DTL: variants seen among roughly 807,000 people sequenced by gnomAD.
DTL encodes the protein denticleless E3 ubiquitin protein ligase adapter.
In DTL, 46 loss-of-function variants were observed where a neutral mutation model predicts 87.0. The observed-to-expected ratio is 0.53, with a 90% CI of 0.42 to 0.68. DTL has a LOEUF of 0.68. Among genes scored for constraint, DTL ranks in the 30% least tolerant of loss-of-function variants. The pLI is 0.00. For missense variants in DTL, 737 were observed against 869.4 expected (o/e 0.85, Z 1.91); for synonymous variants, 308 against 311.2 (o/e 0.99, Z 0.11).
intron 11 of DTL, among the ~76,000 whole-genome samples, chr1:212,072,664 T>G (rs928806726): frequency 1.2e-4 from 18 of 152,160 alleles, no homozygotes; most frequent in African/African-American, 4.3e-4. Flanking sequence ...AATTTATTCT[T>G]TATTCTCTCC....
chr1:212,065,766 C>T (rs567073063), intron 7 of DTL, among the ~76,000 whole-genome samples: 24 of 152,250 alleles, frequency 1.6e-4, no homozygotes, highest in African/African-American at 5.5e-4. Context: ...AGTGCAGTGG[C>T]GCAATCTTGG....
At chr1:212,099,023 C>A (rs1655532347) in intron 13 of DTL, among the ~76,000 whole-genome samples, 1 of 152,150 alleles carries the variant, frequency 6.6e-6, no homozygotes, top group Admixed American at 6.5e-5. Context: ...CATTGGCTGC[C>A]CTCTCCAAAG....
At chr1:212,065,421 C>G (rs1360743698) in intron 7 of DTL, among the ~76,000 whole-genome samples, 1 of 151,632 alleles carries the variant, frequency 6.6e-6, no homozygotes, top group Non-Finnish European at 1.5e-5. Flanking sequence ...TTGGGGGGTA[C>G]ACTATGTATA....
At chr1:212,082,351 TA>T (rs1318676054) in intron 13 of DTL, among the ~76,000 whole-genome samples, 1 of 152,148 alleles carries the variant, frequency 6.6e-6, no homozygotes, top group East Asian at 1.9e-4. Flanking sequence ...GGAGTTTTGT[TA>T]TAAAGGAAAG....
chr1:212,071,739 G>GA (rs1359443839), intron 10 of DTL, among the ~76,000 whole-genome samples: 2 of 152,120 alleles, frequency 1.3e-5, no homozygotes, highest in South Asian at 2.1e-4. Flanking sequence ...TTATGCAGTG[G>GA]AAAAAATCCT....
rs1313544833 is a variant in DTL, at chr1:212,044,693, A to G, written c.212A>G (p.Asn71Ser). 8 of 1,613,100 alleles carry G rather than the reference A, an allele frequency of 5.0e-6. No homozygotes were observed. The highest frequency in any genetic ancestry group is 2.7e-5 in the African/African-American group (2 of 74,890). ...PNMEHVLAVA[N>S]EEGFVRLYNT... ...ATGGAACATGTACTAGCAGTTGCCAATGAAGAAGGCTTTGTTCGATTGTAT... is the reference window on the plus strand; with the variant it reads ...ATGGAACATGTACTAGCAGTTGCCAGTGAAGAAGGCTTTGTTCGATTGTAT... Residue 71 changes from asparagine to serine, a missense_variant, in exon 3 of 15, where the codon AAT (asparagine) becomes AGT (serine). Physicochemically the swap from Asn to Ser is conservative, Grantham distance 46. Coordinates refer to ENST00000366991, the MANE Select transcript of DTL (RefSeq NM_016448.4).
intron 11 of DTL, among the ~76,000 whole-genome samples, chr1:212,074,704 C>A (rs2102560471): frequency 6.6e-6 from 1 of 152,152 alleles, no homozygotes; most frequent in Middle Eastern, 3.4e-3. Context: ...AGCTGAGTAT[C>A]CAGGCTGTTA....
chr1:212,048,608 A>G (rs962287888), intron 5 of DTL, among the ~76,000 whole-genome samples: 3 of 152,232 alleles, frequency 2.0e-5, no homozygotes, highest in Non-Finnish European at 4.4e-5. Context: ...ACAGTACTGT[A>G]GCAGCTAGGG....
intron 8 of DTL, among the ~76,000 whole-genome samples, chr1:212,067,857 A>G (rs1389866110): frequency 6.6e-6 from 1 of 152,242 alleles, no homozygotes; most frequent in Non-Finnish European, 1.5e-5. Context: ...CAGGGACAGA[A>G]CTTGCTACTT....
At chr1:212,067,417 G>A (rs1654538060) in intron 8 of DTL, among the ~76,000 whole-genome samples, 1 of 152,184 alleles carries the variant, frequency 6.6e-6, no homozygotes, top group African/African-American at 2.4e-5. Flanking sequence ...AGTCTGCTCT[G>A]TGATGCTTGT....
chr1:212,063,757 G>T (rs908290988), intron 6 of DTL, among the ~76,000 whole-genome samples: 1 of 152,062 alleles, frequency 6.6e-6, no homozygotes, highest in South Asian at 2.1e-4. Context: ...ATTTTCAGGG[G>T]TATATGTGAT....
intron 10 of DTL, among the ~76,000 whole-genome samples, chr1:212,070,656 C>A (rs903343324): frequency 7.1e-6 from 1 of 141,076 alleles, no homozygotes; most frequent in African/African-American, 2.5e-5. Flanking sequence ...GTGTGTGTAA[C>A]GTCTTGTAAT....
chr1:212,069,916 T>C (rs1328821421), intron 10 of DTL, among the ~76,000 whole-genome samples: 2 of 152,164 alleles, frequency 1.3e-5, no homozygotes, highest in Non-Finnish European at 1.5e-5. Flanking sequence ...ATTAGGACTT[T>C]AGTATCGGTG....
At chr1:212,037,029 C>T (rs534929430) in intron 1 of DTL, among the ~76,000 whole-genome samples, 3 of 152,298 alleles carry the variant, frequency 2.0e-5, no homozygotes, top group Non-Finnish European at 4.4e-5. Flanking sequence ...TACTTAAATG[C>T]TCCTCTTTCT....
intron 5 of DTL, among the ~76,000 whole-genome samples, chr1:212,058,924 A>G (rs1412572309): frequency 6.6e-6 from 1 of 152,186 alleles, no homozygotes; most frequent in Non-Finnish European, 1.5e-5. Flanking sequence ...CACTAACTAG[A>G]AAACCTAGAG....
intron 5 of DTL, among the ~76,000 whole-genome samples, chr1:212,058,715 TA>T: frequency 6.6e-6 from 1 of 150,916 alleles, no homozygotes; most frequent in East Asian, 1.9e-4. Flanking sequence ...AATAGAGACT[TA>T]AAAAAACAAG....
At chr1:212,101,107 A>T (rs1418693677) in intron 14 of DTL, 23 bp downstream of exon 14, 1 of 1,526,240 alleles carries the variant, frequency 6.6e-7, no homozygotes, top group African/African-American at 1.4e-5. Flanking sequence ...TGGTGGGAAG[A>T]TACATTTCCT....
chr1:212,056,909 A>G (rs1234294477), intron 5 of DTL, among the ~76,000 whole-genome samples: 1 of 152,136 alleles, frequency 6.6e-6, no homozygotes, highest in African/African-American at 2.4e-5. Flanking sequence ...GAACTTGAAG[A>G]TGTTTTGAAG....
In DTL at chr1:212,044,653, G is replaced by C; in HGVS notation, c.179-7G>C. The C allele has an allele frequency of 6.4e-7, 1 of 1,556,518 alleles. No homozygotes were observed. Among genetic ancestry groups the C allele is most frequent in the East Asian group, 2.3e-5 (1 of 44,308 alleles). ...TCTATATATTTTTTTCTTTATTTCT[G>C]CTTTAGCTCCCAATATGGAACATGT... is the stretch of plus-strand genomic sequence containing the variant. On this transcript the variant is annotated splice_polypyrimidine_tract_variant and splice_region_variant and intron_variant, in intron 2 of 14. Transcript: ENST00000366991.
Sources: allele counts gnomAD v4.1 joint callset (sites outside exome capture counted in the v4.1 genomes callset), GRCh38; gene constraint gnomAD v4.1.1; transcripts MANE v1.5; gene names NCBI Gene and HGNC (gene_info 2026-07-23, HGNC 2026-07-21).